Variants in IFT25 observed in about 807,000 individuals in gnomAD.
The protein encoded by IFT25 is intraflagellar transport 25, also known as intraflagellar transport protein 25 homolog.
chr1:53,925,582 G>A, the IFT25 span, among the ~76,000 whole-genome samples: 117 of 151,104 alleles, frequency 7.7e-4, 2 homozygotes, highest in East Asian at 0.022. Context: ...GGAGAATGTC[G>A]TGAACCCAGG....
chr1:53,940,279 A>C, the IFT25 span, among the ~76,000 whole-genome samples: 1 of 152,200 alleles, frequency 6.6e-6, no homozygotes. Context: ...ATAATCTATA[A>C]GACATGACTA....
At chr1:53,937,120 C>G in the IFT25 span, among the ~76,000 whole-genome samples, 2 of 152,088 alleles carry the variant, frequency 1.3e-5, no homozygotes, top group African/African-American at 4.8e-5. Flanking sequence ...CAGAAAATAA[C>G]TTTTGGTTTT....
At chr1:53,923,852 C>G in the IFT25 span, 1 of 1,090,634 alleles carries the variant, frequency 9.2e-7, no homozygotes, top group Non-Finnish European at 1.4e-6. Flanking sequence ...AGGTTAAAGT[C>G]TAAATACATT....
the IFT25 span, among the ~76,000 whole-genome samples, chr1:53,941,769 T>G: frequency 3.9e-5 from 6 of 152,216 alleles, no homozygotes; most frequent in Non-Finnish European, 7.3e-5. Flanking sequence ...AGTACTAAAA[T>G]TGGAAGTAGC....
chr1:53,918,252 G>T, the IFT25 span, among the ~76,000 whole-genome samples: 1 of 152,186 alleles, frequency 6.6e-6, no homozygotes, highest in Non-Finnish European at 1.5e-5. Context: ...AAGTATATCA[G>T]TGACAACTTC....
At chr1:53,920,892 G>T in the IFT25 span, among the ~76,000 whole-genome samples, 1 of 152,148 alleles carries the variant, frequency 6.6e-6, no homozygotes, top group Non-Finnish European at 1.5e-5. Context: ...AAAAGTAAAG[G>T]CCGGGTGCGG....
the IFT25 span, among the ~76,000 whole-genome samples, chr1:53,932,587 C>T: frequency 6.6e-6 from 1 of 152,228 alleles, no homozygotes; most frequent in Non-Finnish European, 1.5e-5. Context: ...TTTTAAGAGA[C>T]AGAGTCTCGC....
At chr1:53,919,080 T>G in the IFT25 span, among the ~76,000 whole-genome samples, 1 of 152,134 alleles carries the variant, frequency 6.6e-6, no homozygotes, top group African/African-American at 2.4e-5. Flanking sequence ...CTGAGGTGAT[T>G]TGCCCACCTC....
At chr1:53,928,463 T>G in the IFT25 span, 1 of 1,552,266 alleles carries the variant, frequency 6.4e-7, no homozygotes, top group Non-Finnish European at 8.9e-7. Context: ...ACAAAGTAAG[T>G]AAAGTGTTAA....
At chr1:53,928,273 T>A in the IFT25 span, 1 of 935,296 alleles carries the variant, frequency 1.1e-6, no homozygotes. Context: ...ATCATTAAAG[T>A]CATCTTTTTT....
chr1:53,915,015 C>T, the IFT25 span, among the ~76,000 whole-genome samples: 8 of 152,160 alleles, frequency 5.3e-5, no homozygotes, highest in African/African-American at 9.7e-5. Flanking sequence ...TTATGCAAGG[C>T]GCTGTGATAG....
At chr1:53,930,347 G>A in the IFT25 span, among the ~76,000 whole-genome samples, 4 of 152,130 alleles carry the variant, frequency 2.6e-5, no homozygotes, top group South Asian at 4.1e-4. Flanking sequence ...ACACAGAAAC[G>A]GAATTGATGT....
the IFT25 span, among the ~76,000 whole-genome samples, chr1:53,932,652 C>T: frequency 2.6e-5 from 4 of 152,342 alleles, no homozygotes; most frequent in Non-Finnish European, 5.9e-5. Context: ...GCAGCATTGA[C>T]GTCCTGGGCT....
At chr1:53,912,786 T>C in the IFT25 span, among the ~76,000 whole-genome samples, 2 of 152,172 alleles carry the variant, frequency 1.3e-5, no homozygotes, top group Non-Finnish European at 2.9e-5. Context: ...GTTCTCAAAC[T>C]TGGGCATGCA....
the IFT25 span, chr1:53,929,443 G>C: frequency 6.6e-6 from 1 of 152,186 alleles, no homozygotes; most frequent in African/African-American, 2.4e-5. Flanking sequence ...CCCATCAATA[G>C]AGCCTCTTCA....
chr1:53,945,871 C>T, the IFT25 span: 1 of 87,300 alleles, frequency 1.1e-5, no homozygotes, highest in East Asian at 2.3e-4. Context: ...ACCGCGGCCT[C>T]CACCGAGTTC....
chr1:53,928,305 G>C, the IFT25 span: 1 of 1,251,406 alleles, frequency 8.0e-7, no homozygotes, highest in South Asian at 1.2e-5. Flanking sequence ...AGCTAGATGA[G>C]AAATGCAGAA....
the IFT25 span, among the ~76,000 whole-genome samples, chr1:53,925,082 G>A: frequency 1.3e-5 from 2 of 151,964 alleles, no homozygotes; most frequent in South Asian, 2.1e-4. Flanking sequence ...ATTATAATAT[G>A]CTTTTATTCC....
chr1:53,930,000 C>CAAAA, the IFT25 span: 13 of 1,407,382 alleles, frequency 9.2e-6, no homozygotes, highest in East Asian at 8.5e-5. Flanking sequence ...CCTGGAGCAC[C>CAAAA]AAAAAAAAAA....
Sources: allele counts gnomAD v4.1 joint callset (sites outside exome capture counted in the v4.1 genomes callset), GRCh38; gene constraint gnomAD v4.1.1; transcripts MANE v1.5; gene names NCBI Gene and HGNC (gene_info 2026-07-23, HGNC 2026-07-21).